The following STPG1 variants were observed in gnomAD, a reference collection of about 807,000 sequenced individuals.
STPG1 encodes the protein sperm tail PG-rich repeat containing 1.
A neutral mutation model predicts 40.1 loss-of-function variants in STPG1; 33 were observed. The ratio of observed to expected loss-of-function variants is 0.82; its 90% confidence interval spans 0.62 to 1.10. The LOEUF (loss-of-function observed/expected upper bound fraction) is 1.10, where lower values mean the gene tolerates loss of function less well. Ranked by LOEUF, STPG1 falls within the 50% of genes least tolerant of loss-of-function variation. STPG1 has a pLI of 0.00. For missense variants in STPG1, 396 were observed against 415.1 expected, an observed-to-expected ratio of 0.95 and a Z score of 0.40; for synonymous variants, 150 against 155.0, an observed-to-expected ratio of 0.97 and a Z score of 0.24.
In STPG1 at chr1:24,357,746, C is replaced by G. The variant is rs1640816301; in HGVS notation, c.*797G>C. On this transcript the variant is annotated 3_prime_UTR_variant, in exon 9 of 9. Coordinates refer to ENST00000337248, the MANE Select transcript of STPG1 (RefSeq NM_001199013.2). ...GCAGCCTCCACCAAAACCACTAGGGCACATTTCTTTTTCCCTCCACATAGA... is the reference window on the plus strand; with the variant it reads ...GCAGCCTCCACCAAAACCACTAGGGGACATTTCTTTTTCCCTCCACATAGA... 5.5e-6 allele frequency: 1 copy of G among 180,268 alleles called. No individual in the cohort carries two copies. The highest frequency in any genetic ancestry group is 5.4e-5 in the Admixed American group (1 of 18,642). 11.2% of individuals were successfully genotyped at this position (180,268 alleles called of 1,614,324 possible).
intron 7 of STPG1, among the ~76,000 whole-genome samples, chr1:24,367,128 C>G (rs951303696): frequency 1.3e-5 from 2 of 152,220 alleles, no homozygotes; most frequent in Non-Finnish European, 2.9e-5. Flanking sequence ...CCACCTAACC[C>G]GGCATTTTGC....
chr1:24,360,984 A>C lies in STPG1; in HGVS notation c.795T>G (p.Pro265=). 1 of 1,613,760 alleles carries C rather than the reference A, an allele frequency of 6.2e-7. No homozygotes were observed. The highest frequency in any genetic ancestry group is 8.5e-7 in the Non-Finnish European group (1 of 1,179,858). ...AQPSPLPPKP[P]FPGPGQYEIV... is the part of the protein sequence containing the mutation. ...TCTCATACTGACCAGGACCTGGGAA[A>C]GGTGGCTTCGGAGGCAGAGGCGAAG... The change falls in exon 8 of 9, where the codon CCT becomes CCG. Residue 265 remains proline, a synonymous_variant. Coordinates refer to ENST00000337248, the MANE Select transcript of STPG1 (RefSeq NM_001199013.2).
intron 1 of STPG1, among the ~76,000 whole-genome samples, chr1:24,405,343 T>C (rs1159079949): frequency 6.6e-6 from 1 of 152,204 alleles, no homozygotes; most frequent in Non-Finnish European, 1.5e-5. Context: ...TTTTAACATG[T>C]TGTGTTTTCA....
intron 6 of STPG1, among the ~76,000 whole-genome samples, chr1:24,372,301 CTTT>C (rs1448276939): frequency 6.6e-6 from 1 of 152,230 alleles, no homozygotes; most frequent in Non-Finnish European, 1.5e-5. Context: ...AGAGCTCACA[CTTT>C]CTGAGCCCAT....
chr1:24,390,829 T>C (rs1403435603), intron 3 of STPG1, among the ~76,000 whole-genome samples: 3 of 151,894 alleles, frequency 2.0e-5, no homozygotes, highest in Non-Finnish European at 2.9e-5. Flanking sequence ...AGACAGGGTC[T>C]AGCTCTGTCA....
intron 6 of STPG1, among the ~76,000 whole-genome samples, chr1:24,373,455 C>T (rs1446416858): frequency 3.3e-5 from 5 of 152,162 alleles, no homozygotes; most frequent in Non-Finnish European, 5.9e-5. Flanking sequence ...AGCAGGTATG[C>T]CAGATCATAA....
intron 5 of STPG1, among the ~76,000 whole-genome samples, chr1:24,376,564 A>G (rs1642036732): frequency 6.6e-6 from 1 of 152,222 alleles, no homozygotes; most frequent in Non-Finnish European, 1.5e-5. Flanking sequence ...ACTACTGGAA[A>G]GTTATTCCTT....
intron 5 of STPG1, 134 bp downstream of exon 5, chr1:24,379,519 C>A: frequency 2.1e-6 from 2 of 956,216 alleles, no homozygotes; most frequent in East Asian, 2.5e-5. Flanking sequence ...CTTAGGCACC[C>A]ATTGGGTAGT....
At chr1:24,368,783 C>A (rs1463487244) in intron 7 of STPG1, 1 of 152,466 alleles carries the variant, frequency 6.6e-6, no homozygotes, top group African/African-American at 2.4e-5. Context: ...CGGCTCACCA[C>A]AATCTGGGCC....
rs188959882 is a variant in STPG1, at chr1:24,404,665, T to C, written c.-68-3209A>G. 4.8e-3 allele frequency among the ~76,000 whole-genome samples: 733 copies of C among 152,296 alleles called. 10 individuals are homozygous for C. The highest frequency in any genetic ancestry group is 7.0e-3 in the Non-Finnish European group (476 of 68,006). ...TTGGTAATTTGTGTATTTTAAGAAATTTTTTTCATTTCATCTATCACGAAA... is the reference window on the plus strand; with the variant it reads ...TTGGTAATTTGTGTATTTTAAGAAACTTTTTTCATTTCATCTATCACGAAA... On this transcript the variant is annotated intron_variant, in intron 1 of 8. Transcript: ENST00000337248.
chr1:24,403,098 C>G (rs978219815), intron 1 of STPG1, among the ~76,000 whole-genome samples: 1 of 152,086 alleles, frequency 6.6e-6, no homozygotes, highest in African/African-American at 2.4e-5. Context: ...TACATTTAGG[C>G]CTAGGATCCA....
At position 24,358,059 on chromosome 1, in the gene STPG1, G is replaced by A; in HGVS notation, c.*484C>T. The A allele has an allele frequency of 2.7e-6, 1 of 373,992 alleles. No homozygotes were observed. The highest frequency in any genetic ancestry group is 5.4e-6 in the Non-Finnish European group (1 of 186,028). The allele number at this position is 373,992 out of a possible 1,614,324, so 23.2% of individuals were successfully genotyped here. On this transcript the variant is annotated 3_prime_UTR_variant, in exon 9 of 9. Transcript: ENST00000337248. ...TTCGCCCAGTAGACATACCGTAAGTGAGTGAGGTCAGAAAGGGACAAATGA... is the reference window on the plus strand; with the variant it reads ...TTCGCCCAGTAGACATACCGTAAGTAAGTGAGGTCAGAAAGGGACAAATGA...
chr1:24,413,318 A>G (rs1643817214), intron 1 of STPG1, among the ~76,000 whole-genome samples: 1 of 152,242 alleles, frequency 6.6e-6, no homozygotes, highest in Non-Finnish European at 1.5e-5. Context: ...AGTAGAGATC[A>G]GGTCTTTGGC....
intron 7 of STPG1, 103 bp downstream of exon 7, chr1:24,369,571 G>A: frequency 1.6e-6 from 2 of 1,280,704 alleles, no homozygotes; most frequent in Non-Finnish European, 2.2e-6. Flanking sequence ...GAGTGGCCCG[G>A]CACTGTGCTC....
rs1387904869 is a variant in STPG1 at position 24,384,002 on chromosome 1, T to C, written c.191A>G (p.Asn64Ser). The change falls in exon 4 of 9, where the codon AAT (asparagine) becomes AGT (serine). Residue 64 changes from asparagine (N) to serine (S), a missense_variant and splice_region_variant. By Grantham distance (46) the Asn-to-Ser change is conservative (BLOSUM62 1). Transcript: ENST00000337248. Reference protein sequence around the residue: ...SQAKRFPHKKNDIPGPGFYNV... With the variant: ...SQAKRFPHKKSDIPGPGFYNV... ...GTAGAACCCAGGTCCTGGGATATCATTCTGAAAGGGAAGAGAAGGTGGTGT... is the reference window on the plus strand; with the variant it reads ...GTAGAACCCAGGTCCTGGGATATCACTCTGAAAGGGAAGAGAAGGTGGTGT... The C allele has an allele frequency of 6.3e-7, 1 of 1,599,012 alleles. No homozygotes were observed. Among genetic ancestry groups the C allele is most frequent in the Non-Finnish European group, 8.6e-7 (1 of 1,166,388 alleles).
At chr1:24,364,986 T>C (rs1274010574) in intron 7 of STPG1, among the ~76,000 whole-genome samples, 3 of 152,174 alleles carry the variant, frequency 2.0e-5, no homozygotes, top group African/African-American at 7.2e-5. Flanking sequence ...AGGCACACAT[T>C]CACTCGCCTC....
In STPG1 at chr1:24,379,776, T is replaced by C; in HGVS notation, c.339A>G (p.Ala113=). The change falls in exon 5 of 9, where the codon GCA becomes GCG. Residue 113 remains alanine, a synonymous_variant. Coordinates refer to ENST00000337248, the MANE Select transcript of STPG1 (RefSeq NM_001199013.2). ...TIISKYPAAN[A]YTIPSDFISK... is the part of the protein sequence containing the mutation. ...AAATAAAATCCGATGGGATAGTGTA[T>C]GCATTCGCTGCAGGGTATTTAGAAA... 1 of 1,614,126 alleles carries C rather than the reference T, an allele frequency of 6.2e-7. No individual in the cohort carries two copies. The highest frequency in any genetic ancestry group is 8.5e-7 in the Non-Finnish European group (1 of 1,179,982).
In STPG1 at chr1:24,359,688, G is replaced by A. The variant is rs1640968385; in HGVS notation, c.929-1069C>T. ...GGAGCATCGTCAACACTCACAGAAA[G>A]GCTGGGTGTAACCAAGCTGGCAGTC... On this transcript the variant is annotated intron_variant, in intron 8 of 8. Coordinates refer to ENST00000337248, the MANE Select transcript of STPG1 (RefSeq NM_001199013.2). The surrounding 1 kb of genome is among the most constrained non-coding windows in gnomAD (Gnocchi z 5.3). Among the ~76,000 whole-genome samples the A allele has an allele frequency of 6.6e-6, 1 of 152,186 alleles. No individual in the cohort carries two copies.
Position 24,359,487 on chromosome 1 carries a change from T to G in STPG1, c.929-868A>C, listed in dbSNP as rs1342335716. 2.0e-5 allele frequency among the ~76,000 whole-genome samples: 3 copies of G among 152,202 alleles called. No individual in the cohort carries two copies. Among genetic ancestry groups the G allele is most frequent in the Non-Finnish European group, 4.4e-5 (3 of 68,030 alleles). On this transcript the variant is annotated intron_variant, in intron 8 of 8. Coordinates refer to ENST00000337248, the MANE Select transcript of STPG1 (RefSeq NM_001199013.2). This position sits in a 1 kb window ranked among gnomAD's most constrained non-coding sequence, Gnocchi z 5.3. ...GCCCCAGATCAAACCTCTACAGCCTTGCTGGTGTGATTATCACCACATTTG... is the reference window on the plus strand; with the variant it reads ...GCCCCAGATCAAACCTCTACAGCCTGGCTGGTGTGATTATCACCACATTTG...
Sources: gnomAD v4.1 joint callset for allele counts (sites outside exome capture counted in the v4.1 genomes callset) on GRCh38, gnomAD v4.1.1 for gene constraint, Gnocchi (gnomAD v3.1) non-coding constraint, MANE v1.5 for transcripts, NCBI Gene and HGNC (gene_info 2026-07-23, HGNC 2026-07-21) for gene names.